TBX19: variants seen among roughly 807,000 people sequenced by gnomAD.
The protein encoded by TBX19 is T-box transcription factor 19, also known as T-box transcription factor TBX19.
In TBX19, 33 loss-of-function variants were observed where a neutral mutation model predicts 40.9. That is an observed-to-expected ratio of 0.81 (90% CI 0.61 to 1.08). The LOEUF (loss-of-function observed/expected upper bound fraction) is 1.08, where lower values mean the gene tolerates loss of function less well. Ranked by LOEUF, TBX19 falls within the 50% of genes least tolerant of loss-of-function variation. TBX19 has a pLI of 0.00. For missense variants in TBX19, 494 were observed against 574.0 expected, an observed-to-expected ratio of 0.86 and a Z score of 1.42; for synonymous variants, 220 against 225.0, an observed-to-expected ratio of 0.98 and a Z score of 0.20.
At position 168,312,570 on chromosome 1, in the gene TBX19, A is replaced by G. The variant is rs926225976; in HGVS notation, c.1053-138A>G. On this transcript the variant is annotated intron_variant, in intron 7 of 7. Transcript: ENST00000367821. ...TGCAGAAACAGGACCAATCTGCGTC[A>G]TAGCTAGAAATAAAGCCATGGCCAG... 29 of 965,942 alleles carry G rather than the reference A, an allele frequency of 3.0e-5. No individual in the cohort carries two copies. In the Admixed American group the frequency reaches 5.6e-4, roughly 19 times the overall value. 59.8% of individuals were successfully genotyped at this position (965,942 alleles called of 1,614,324 possible). A position where few individuals can be genotyped will look rare whatever the true frequency, so the allele number is the denominator to read the frequency against.
At chr1:168,298,636 CT>C (rs1260815076) in intron 4 of TBX19, among the ~76,000 whole-genome samples, 2 of 151,318 alleles carry the variant, frequency 1.3e-5, no homozygotes, top group Admixed American at 1.3e-4. Flanking sequence ...TCCTTTCTTT[CT>C]TTCCCTTCTT....
chr1:168,311,906 G>A (rs1030733655), intron 7 of TBX19, among the ~76,000 whole-genome samples: 5 of 152,174 alleles, frequency 3.3e-5, no homozygotes, highest in African/African-American at 1.2e-4. Flanking sequence ...TGGGGCAGGG[G>A]AGTGGGGTGA....
intron 1 of TBX19, among the ~76,000 whole-genome samples, chr1:168,289,389 A>G (rs1275108629): frequency 6.6e-6 from 1 of 152,234 alleles, no homozygotes; most frequent in African/African-American, 2.4e-5. Flanking sequence ...AGAAAATGCA[A>G]CATGAAGATT....
chr1:168,293,199 G>A lies in TBX19; in HGVS notation c.524G>A (p.Gly175Glu). The A allele has an allele frequency of 6.2e-7, 1 of 1,613,912 alleles. No individual in the cohort carries two copies. The highest frequency in any genetic ancestry group is 8.5e-7 in the Non-Finnish European group (1 of 1,179,948). Reference sequence around the variant, plus strand: ...CCCCAGGTTCACATAGTGCGTGTTGGAAGTGCCCATCGAATGGTAACAAAC... The same window carrying A: ...CCCCAGGTTCACATAGTGCGTGTTGAAAGTGCCCATCGAATGGTAACAAAC... ...YEPQVHIVRV[G>E]SAHRMVTNCS... is the part of the protein sequence containing the mutation. The change falls in exon 3 of 8, where the codon GGA (glycine) becomes GAA (glutamate). Residue 175 changes from glycine (G) to glutamate (E), a missense_variant. Physicochemically the swap from Gly to Glu is moderately conservative, Grantham distance 98. This residue lies in a region of TBX19 where 201 missense variants were observed against 235.2 expected (regional missense o/e 0.85). Transcript: ENST00000367821.
In TBX19 at chr1:168,308,896, A is replaced by G. The variant is rs760102464; in HGVS notation, c.1052+19A>G. ...GGCCCAGGTAAGACCAACACCATCAACTCGCTCATTGGTCGTCTTGGGGGT... is the reference window on the plus strand; with the variant it reads ...GGCCCAGGTAAGACCAACACCATCAGCTCGCTCATTGGTCGTCTTGGGGGT... On this transcript the variant is annotated intron_variant, in intron 7 of 7. Transcript: ENST00000367821. The G allele has an allele frequency of 5.6e-6, 9 of 1,613,514 alleles. No individual in the cohort carries two copies. The highest frequency in any genetic ancestry group is 7.6e-6 in the Non-Finnish European group (9 of 1,179,844).
intron 2 of TBX19, among the ~76,000 whole-genome samples, chr1:168,292,863 CAAAAAA>C (rs751123603): frequency 6.1e-5 from 2 of 32,878 alleles, no homozygotes; most frequent in African/African-American, 1.2e-4. Flanking sequence ...GACTCCGTCT[CAAAAAA>C]AAAAAAAAAA....
chr1:168,307,493 C>A (rs764903845), intron 6 of TBX19, among the ~76,000 whole-genome samples: 12 of 152,084 alleles, frequency 7.9e-5, no homozygotes, highest in African/African-American at 1.2e-4. Flanking sequence ...CCCCCATGGC[C>A]TAGTCACCTC....
In TBX19 at chr1:168,313,154, G is replaced by A; in HGVS notation, c.*152G>A. 1.1e-6 allele frequency: 1 copy of A among 931,550 alleles called. No homozygotes were observed. The highest frequency in any genetic ancestry group is 1.7e-6 in the Non-Finnish European group (1 of 604,400). The allele number at this position is 931,550 out of a possible 1,614,324, so 57.7% of individuals were successfully genotyped here. ...TTATTACAGAAGTCATACTGGGAGA[G>A]GGTTCAGTTTGGATGATGCTAGTTA... On this transcript the variant is annotated 3_prime_UTR_variant, in exon 8 of 8. Transcript: ENST00000367821.
rs1385903357 is a variant in TBX19, at chr1:168,291,324, A to G, written c.368A>G (p.Tyr123Cys). 1.9e-6 allele frequency: 3 copies of G among 1,614,110 alleles called. No individual in the cohort carries two copies. Among genetic ancestry groups the G allele is most frequent in the Non-Finnish European group, 2.5e-6 (3 of 1,180,052 alleles). The change falls in exon 2 of 8, where the codon TAC becomes TGC. Residue 123 changes from tyrosine (Y) to cysteine (C), a missense_variant. By Grantham distance (194) the Tyr-to-Cys change is radical (BLOSUM62 -2). Around this residue, in one of 3 missense-constraint regions of TBX19, gnomAD observed 201 missense variants for 235.2 expected, o/e 0.85. Transcript: ENST00000367821. ...GAGGTCTCCAGCCACAGCTGCGTCTACATTCACCCGGACTCCCCCAACTTT... is the reference window on the plus strand; with the variant it reads ...GAGGTCTCCAGCCACAGCTGCGTCTGCATTCACCCGGACTCCCCCAACTTT... ...KPEVSSHSCV[Y>C]IHPDSPNFGA...
At chr1:168,292,153 C>T (rs1207711824) in intron 2 of TBX19, among the ~76,000 whole-genome samples, 3 of 152,156 alleles carry the variant, frequency 2.0e-5, no homozygotes, top group Admixed American at 1.3e-4. Flanking sequence ...CCTCAGCCTC[C>T]CACCCTGTGC....
intron 1 of TBX19, among the ~76,000 whole-genome samples, chr1:168,286,316 A>G (rs1648804078): frequency 6.6e-6 from 1 of 152,240 alleles, no homozygotes; most frequent in Non-Finnish European, 1.5e-5. Context: ...TAATTCGCAG[A>G]GTTGTGCATC....
Position 168,293,016 on chromosome 1 carries a change from G to A in TBX19, c.469-128G>A, listed in dbSNP as rs894173553. The A allele has an allele frequency of 4.0e-6, 6 of 1,515,690 alleles. No homozygotes were observed. The South Asian group carries it at 4.6e-5, about 12-fold the overall frequency. The allele number at this position is 1,515,690 out of a possible 1,614,324, so 93.9% of individuals were successfully genotyped here. A position where few individuals can be genotyped will look rare whatever the true frequency, so the allele number is the denominator to read the frequency against. On this transcript the variant is annotated intron_variant, in intron 2 of 7. Coordinates refer to ENST00000367821, the MANE Select transcript of TBX19 (RefSeq NM_005149.3). The stretch of plus-strand genomic sequence containing the variant: ...TGTGGTGGCAGCTCAGGTGGCCTAG[G>A]ATTTGAAATGTGTGTCCCTAACCGG...
At chr1:168,294,219 A>AT (rs1649042998) in intron 3 of TBX19, among the ~76,000 whole-genome samples, 1 of 152,134 alleles carries the variant, frequency 6.6e-6, no homozygotes, top group Admixed American at 6.5e-5. Flanking sequence ...TTTCTATGTA[A>AT]TTATACCTAG....
intron 6 of TBX19, among the ~76,000 whole-genome samples, chr1:168,306,591 A>T (rs371469696): frequency 5.0e-4 from 69 of 138,678 alleles, no homozygotes; most frequent in African/African-American, 1.8e-3. Flanking sequence ...GTGCCACTGC[A>T]CTCTAGCCTG....
chr1:168,308,924 A>C (rs200101120), intron 7 of TBX19, 47 bp downstream of exon 7: 1 of 1,613,488 alleles, frequency 6.2e-7, no homozygotes, highest in Non-Finnish European at 8.5e-7. Flanking sequence ...TTGGGGGTTT[A>C]CTTTAGCACT....
chr1:168,309,576 AG>A (rs1173275998), intron 7 of TBX19, among the ~76,000 whole-genome samples: 1 of 152,146 alleles, frequency 6.6e-6, no homozygotes, highest in African/African-American at 2.4e-5. Flanking sequence ...CCATCCTAAA[AG>A]GGGGACATAT....
intron 3 of TBX19, 198 bp from the exon 4 acceptor site, chr1:168,297,526 G>GA (rs1649142622): frequency 2.9e-6 from 2 of 683,666 alleles, no homozygotes; most frequent in Admixed American, 4.2e-5. Flanking sequence ...GCGCAGTGGT[G>GA]ATTAAGTGCT....
rs559342277 is a variant in TBX19 at position 168,298,250 on chromosome 1, A to G, written c.665+465A>G. Among the ~76,000 whole-genome samples, 28 of 152,362 alleles carry G rather than the reference A, an allele frequency of 1.8e-4. No individual in the cohort carries two copies. The South Asian group carries it at 5.6e-3, about 30-fold the overall frequency. On this transcript the variant is annotated intron_variant, in intron 4 of 7. Coordinates refer to ENST00000367821, the MANE Select transcript of TBX19 (RefSeq NM_005149.3). ...CAATTCAATATTCAACAACATCTAG[A>G]AAATTCAAATCATAATTATCTATTC...
At chr1:168,290,039 C>A (rs1211543794) in intron 1 of TBX19, among the ~76,000 whole-genome samples, 2 of 151,930 alleles carry the variant, frequency 1.3e-5, no homozygotes. Context: ...ACTAAAAATC[C>A]AAAAATTAGC....
Sources: allele counts gnomAD v4.1 joint callset (sites outside exome capture counted in the v4.1 genomes callset), GRCh38; gene constraint gnomAD v4.1.1; regional missense constraint gnomAD v4.1.1; transcripts MANE v1.5; gene names NCBI Gene and HGNC (gene_info 2026-07-23, HGNC 2026-07-21).